The following ATP1A3 variants were observed in gnomAD, a reference collection of about 807,000 sequenced individuals.
ATP1A3 encodes ATPase Na+/K+ transporting subunit alpha 3.
ATP1A3 carries 12 observed loss-of-function variants against 108.8 expected under a neutral mutation model. The observed-to-expected ratio is 0.11, with a 90% confidence interval of 0.07 to 0.18. The LOEUF is 0.18. Ranked by LOEUF, ATP1A3 falls within the 10% of genes least tolerant of loss-of-function variation. The pLI is 1.00. For synonymous variants in ATP1A3, 539 were observed against 564.5 expected (o/e 0.95, Z 0.64); for missense variants, 498 against 1,387.7 (o/e 0.36, Z 10.19).
At position 41,988,572 on chromosome 19, in the gene ATP1A3, G is replaced by A. The variant is rs781826751; in HGVS notation, c.7-10C>T. 2.5e-6 allele frequency: 4 copies of A among 1,614,110 alleles called. 1 individual carries two copies. In the South Asian group the frequency reaches 4.4e-5, roughly 18 times the overall value. Reference sequence around the variant, plus strand: ...TGTCATCTTTCTTGTCCTGCGAGGTGGCGATACGATAGCTGTCAGAGCCAC... The same window carrying A: ...TGTCATCTTTCTTGTCCTGCGAGGTAGCGATACGATAGCTGTCAGAGCCAC... On this transcript the variant is annotated splice_polypyrimidine_tract_variant and intron_variant, in intron 1 of 22. Coordinates refer to ENST00000648268, the MANE Select transcript of ATP1A3 (RefSeq NM_152296.5). This position sits in a 1 kb window ranked among gnomAD's most constrained non-coding sequence, Gnocchi z 5.3.
At position 41,976,542 on chromosome 19, in the gene ATP1A3, G is replaced by A. The variant is rs142297106; in HGVS notation, c.1968C>T (p.His656=). 4.0e-5 allele frequency: 65 copies of A among 1,614,126 alleles called. No individual in the cohort carries two copies. Among genetic ancestry groups the A allele is most frequent in the African/African-American group, 8.0e-5 (6 of 75,046 alleles). Residue 656 remains histidine, a synonymous_variant, in exon 15 of 23, where the codon CAC becomes CAT. Transcript: ENST00000648268. The part of the protein sequence containing the change: ...NPRDAKACVI[H]GTDLKDFTSE... Reference sequence around the variant, plus strand: ...AGGTGAAGTCCTTGAGGTCGGTGCCGTGGATCACGCAGGCCTTGGCATCCC... The same window carrying A: ...AGGTGAAGTCCTTGAGGTCGGTGCCATGGATCACGCAGGCCTTGGCATCCC...
Position 41,985,514 on chromosome 19 carries a change from C to T in ATP1A3, c.607-91G>A, listed in dbSNP as rs2075278564. 1 of 1,285,930 alleles carries T rather than the reference C, an allele frequency of 7.8e-7. No individual in the cohort carries two copies. Among genetic ancestry groups the T allele is most frequent in the African/African-American group, 1.5e-5 (1 of 68,494 alleles). The allele number at this position is 1,285,930 out of a possible 1,614,324, so 79.7% of individuals were successfully genotyped here. A position where few individuals can be genotyped will look rare whatever the true frequency, so the allele number is the denominator to read the frequency against. On this transcript the variant is annotated intron_variant, in intron 6 of 22. Coordinates refer to ENST00000648268, the MANE Select transcript of ATP1A3 (RefSeq NM_152296.5). This position sits in a 1 kb window ranked among gnomAD's most constrained non-coding sequence, Gnocchi z 8.2. ...AGGGCTTGGGGCTGAAGCCTGTGTG[C>T]CTGGAGATCACAGCTAGAAGCCTGG...
At position 41,969,588 on chromosome 19, in the gene ATP1A3, G is replaced by A; in HGVS notation, c.2543-8C>T. On this transcript the variant is annotated splice_region_variant and splice_polypyrimidine_tract_variant and intron_variant, in intron 18 of 22. Transcript: ENST00000648268. ...CGAGAGCCTGGATCATTCCTGGAAG[G>A]AGGAGAGAGGAAGCCGAGGAGAGGC... The A allele has an allele frequency of 6.2e-7, 1 of 1,613,546 alleles. No individual in the cohort carries two copies. The highest frequency in any genetic ancestry group is 2.2e-5 in the East Asian group (1 of 44,858).
At position 41,978,111 on chromosome 19, in the gene ATP1A3, C is replaced by A. The variant is rs782166038; in HGVS notation, c.1807-39G>T. On this transcript the variant is annotated intron_variant, in intron 13 of 22. Coordinates refer to ENST00000648268, the MANE Select transcript of ATP1A3 (RefSeq NM_152296.5). This position sits in a 1 kb window ranked among gnomAD's most constrained non-coding sequence, Gnocchi z 8.3. The stretch of plus-strand genomic sequence containing the variant: ...TTTTTAGGGATGGCCTCTCCCGCCC[C>A]ACGCCTGGCTTTGCCTCCCCCAGCC... The A allele has an allele frequency of 6.2e-7, 1 of 1,614,228 alleles. No homozygotes were observed. The highest frequency in any genetic ancestry group is 1.1e-5 in the South Asian group (1 of 91,090).
At chr19:41,970,674 C>T (rs1204630866) in intron 16 of ATP1A3, 132 bp from the exon 17 acceptor site, 37 of 1,121,292 alleles carry the variant, frequency 3.3e-5, no homozygotes, top group Middle Eastern at 3.1e-4. Context: ...CTGTGTTGCC[C>T]AGGCTGGAGT....
rs1555858554 is a variant in ATP1A3 at position 41,966,616 on chromosome 19, C to T, written c.*321G>A. On this transcript the variant is annotated 3_prime_UTR_variant, in exon 23 of 23. Coordinates refer to ENST00000648268, the MANE Select transcript of ATP1A3 (RefSeq NM_152296.5). ...CCCACTGATATATTTGATAATTGTCCAGAACCAGAGATGGCATCAGCCGGG... is the reference window on the plus strand; with the variant it reads ...CCCACTGATATATTTGATAATTGTCTAGAACCAGAGATGGCATCAGCCGGG... The T allele has an allele frequency of 6.8e-7, 1 of 1,460,148 alleles. No homozygotes were observed. Among genetic ancestry groups the T allele is most frequent in the Non-Finnish European group, 9.2e-7 (1 of 1,089,398 alleles). 90.4% of individuals were successfully genotyped at this position (1,460,148 alleles called of 1,614,324 possible).
In ATP1A3 at chr19:41,973,448, G is replaced by T. The variant is rs2075134266; in HGVS notation, c.2263+2181C>A. ...TTTTTAAAATTTTTTGATCTTTGAG[G>T]TCTTAATTTGTTGTACAGGCAGGTC... On this transcript the variant is annotated intron_variant, in intron 16 of 22. Transcript: ENST00000648268. Among the ~76,000 whole-genome samples, 3 of 152,028 alleles carry T rather than the reference G, an allele frequency of 2.0e-5. No homozygotes were observed. In the South Asian group the frequency reaches 6.2e-4, roughly 32 times the overall value.
Position 41,976,519 on chromosome 19 carries a change from G to A in ATP1A3, c.1991C>T (p.Thr664Ile). ...CAGGATCTCGTCGATTTGCTCGGAG[G>A]TGAAGTCCTTGAGGTCGGTGCCGTG... ...VIHGTDLKDF[T>I]SEQIDEILQN... is the part of the protein sequence containing the mutation. The change falls in exon 15 of 23, where the codon ACC becomes ATC. Residue 664 changes from threonine (T) to isoleucine (I), a missense_variant. Coordinates refer to ENST00000648268, the MANE Select transcript of ATP1A3 (RefSeq NM_152296.5). 1 of 1,614,186 alleles carries A rather than the reference G, an allele frequency of 6.2e-7. No homozygotes were observed. Among genetic ancestry groups the A allele is most frequent in the Non-Finnish European group, 8.5e-7 (1 of 1,180,038 alleles).
chr19:41,986,388 C>G (rs897331970), intron 4 of ATP1A3, 159 bp from the exon 5 acceptor site: 1 of 631,748 alleles, frequency 1.6e-6, no homozygotes, highest in Non-Finnish European at 2.8e-6. Context: ...GTCTGAGTCT[C>G]CCCTGTTTGT....
intron 16 of ATP1A3, among the ~76,000 whole-genome samples, chr19:41,973,282 G>A (rs1203229634): frequency 1.3e-5 from 2 of 152,172 alleles, no homozygotes; most frequent in East Asian, 1.9e-4. Flanking sequence ...ACAGGGTCTC[G>A]GATCTCGCTC....
At chr19:41,983,347 G>A (rs1278406936) in intron 8 of ATP1A3, among the ~76,000 whole-genome samples, 1 of 151,824 alleles carries the variant, frequency 6.6e-6, no homozygotes, top group Non-Finnish European at 1.5e-5. Flanking sequence ...CAAAGTGCTG[G>A]GATTACAGGC....
At chr19:41,976,196 AC>A (rs2075167110) in intron 15 of ATP1A3, among the ~76,000 whole-genome samples, 1 of 86,364 alleles carries the variant, frequency 1.2e-5, no homozygotes, top group African/African-American at 4.6e-5. Flanking sequence ...CTTCCCTCAT[AC>A]CCAGAAGTCC....
intron 16 of ATP1A3, among the ~76,000 whole-genome samples, chr19:41,974,278 T>C (rs2075143049): frequency 6.6e-6 from 1 of 151,976 alleles, no homozygotes; most frequent in African/African-American, 2.4e-5. Context: ...ACCCCATCTC[T>C]ACAAAATCTT....
In ATP1A3 at chr19:41,966,995, C is replaced by T. The variant is rs1555858746; in HGVS notation, c.3014-30G>A. ...AGAGACAAAGAAGGAAAGAAAGAGA[C>T]AGAGTAAGAGATGGAGAGAGACAGG... On this transcript the variant is annotated intron_variant, in intron 22 of 22. Coordinates refer to ENST00000648268, the MANE Select transcript of ATP1A3 (RefSeq NM_152296.5). 1.9e-6 allele frequency: 3 copies of T among 1,551,432 alleles called. No homozygotes were observed. In the Admixed American group the frequency reaches 5.9e-5, roughly 30 times the overall value.
Position 41,981,391 on chromosome 19 carries a change from T to G in ATP1A3, c.1437+111A>C, listed in dbSNP as rs1599718709. ...CCTGTTCCTCTCCCCACCAGGCGGG[T>G]ATTATCATTCCCATTTTACAGACGG... On this transcript the variant is annotated intron_variant, in intron 11 of 22. Transcript: ENST00000648268. This position sits in a 1 kb window ranked among gnomAD's most constrained non-coding sequence, Gnocchi z 5.0. 2.7e-6 allele frequency: 4 copies of G among 1,508,018 alleles called. No individual in the cohort carries two copies. The highest frequency in any genetic ancestry group is 1.7e-4 in the Middle Eastern group (1 of 5,732). 93.4% of individuals were successfully genotyped at this position (1,508,018 alleles called of 1,614,324 possible).
intron 16 of ATP1A3, among the ~76,000 whole-genome samples, chr19:41,975,040 G>T (rs1219442938): frequency 6.6e-6 from 1 of 152,112 alleles, no homozygotes; most frequent in Non-Finnish European, 1.5e-5. Context: ...GCTTCCCCCT[G>T]GTTGGGCTTG....
chr19:41,976,609 G>A (rs369773211), intron 14 of ATP1A3, 43 bp from the exon 15 acceptor site: 12 of 1,611,978 alleles, frequency 7.4e-6, no homozygotes, highest in African/African-American at 1.3e-5. Flanking sequence ...CAGGGTGTGT[G>A]AGGAGTGGCA....
intron 19 of ATP1A3, 137 bp downstream of exon 19, chr19:41,969,298 C>T: frequency 6.9e-7 from 1 of 1,453,700 alleles, no homozygotes; most frequent in Non-Finnish European, 9.6e-7. Flanking sequence ...TCCAGGAAGC[C>T]CCAGGTGCCC....
At chr19:41,973,194 G>C (rs2145955038) in intron 16 of ATP1A3, among the ~76,000 whole-genome samples, 1 of 152,314 alleles carries the variant, frequency 6.6e-6, no homozygotes, top group South Asian at 2.1e-4. Flanking sequence ...GAGGCGCAGG[G>C]GCCCACTGTG....
Sources: allele counts gnomAD v4.1 joint callset (sites outside exome capture counted in the v4.1 genomes callset), GRCh38; gene constraint gnomAD v4.1.1; non-coding constraint Gnocchi (gnomAD v3.1); transcripts MANE v1.5; gene names NCBI Gene and HGNC (gene_info 2026-07-23, HGNC 2026-07-21).